HPCAL1: variants seen among roughly 807,000 people sequenced by gnomAD.
HPCAL1 encodes the protein hippocalcin like 1, also known as hippocalcin-like protein 1.
In HPCAL1, 8 loss-of-function variants were observed where a neutral mutation model predicts 17.1. That is an observed-to-expected ratio of 0.47 (90% confidence interval 0.27 to 0.84). The LOEUF (loss-of-function observed/expected upper bound fraction) is 0.84, where lower values mean the gene tolerates loss of function less well. Ranked by LOEUF, HPCAL1 falls within the 40% of genes least tolerant of loss-of-function variation. The pLI is 0.13. For missense variants in HPCAL1, 165 were observed against 271.1 expected (o/e 0.61, Z 2.75); for synonymous variants, 112 against 111.4 (o/e 1.01, Z -0.03).
intron 1 of HPCAL1, among the ~76,000 whole-genome samples, chr2:10,396,501 A>G (rs1431030916): frequency 6.6e-6 from 1 of 152,134 alleles, no homozygotes; most frequent in Non-Finnish European, 1.5e-5. Flanking sequence ...TTTGAACCTG[A>G]GTTTGTGGAC....
intron 1 of HPCAL1, among the ~76,000 whole-genome samples, chr2:10,334,574 T>C (rs902319277): frequency 1.3e-5 from 2 of 152,240 alleles, no homozygotes; most frequent in Non-Finnish European, 2.9e-5. Flanking sequence ...TATATCACTT[T>C]GTAATTTGTT....
At chr2:10,405,489 C>T (rs185404869) in intron 2 of HPCAL1, among the ~76,000 whole-genome samples, 11 of 152,360 alleles carry the variant, frequency 7.2e-5, no homozygotes, top group South Asian at 4.1e-4. Flanking sequence ...GCCCCGTAGT[C>T]TCAGTTTTGC....
chr2:10,396,720 G>A (rs778671008), intron 1 of HPCAL1, 115 bp from the exon 2 acceptor site: 1 of 152,262 alleles, frequency 6.6e-6, no homozygotes, highest in African/African-American at 2.4e-5. Flanking sequence ...ATGTAGCATG[G>A]CACTTGCAAA....
intron 1 of HPCAL1, among the ~76,000 whole-genome samples, chr2:10,392,390 T>G (rs577480541): frequency 1.3e-5 from 2 of 152,350 alleles, no homozygotes; most frequent in Admixed American, 1.3e-4. Context: ...TGAAGCTATT[T>G]GGCCAGGGCT....
At chr2:10,404,351 C>A (rs570316159) in intron 2 of HPCAL1, among the ~76,000 whole-genome samples, 1 of 152,230 alleles carries the variant, frequency 6.6e-6, no homozygotes, top group Admixed American at 6.5e-5. Context: ...ATGCCCCTCA[C>A]CCCGTCTTTG....
At chr2:10,352,203 T>C (rs1013922827) in intron 1 of HPCAL1, among the ~76,000 whole-genome samples, 1 of 152,138 alleles carries the variant, frequency 6.6e-6, no homozygotes, top group Non-Finnish European at 1.5e-5. Flanking sequence ...AATTTAAATA[T>C]GTGAATTGTA....
chr2:10,426,638 C>T (rs1010503372), intron 4 of HPCAL1, 86 bp from the exon 5 acceptor site: 1 of 1,055,996 alleles, frequency 9.5e-7, no homozygotes, highest in African/African-American at 1.6e-5. Flanking sequence ...AGGGAGCATA[C>T]CTGACCTGAG....
At chr2:10,397,662 C>T (rs1163950079) in intron 2 of HPCAL1, among the ~76,000 whole-genome samples, 4 of 152,200 alleles carry the variant, frequency 2.6e-5, no homozygotes. Flanking sequence ...GGAATCCTTC[C>T]TGGCCCTGCC....
At chr2:10,316,440 C>T (rs6709696) in intron 1 of HPCAL1, among the ~76,000 whole-genome samples, 11,299 of 152,176 alleles carry the variant, frequency 0.074, 529 homozygotes, top group Non-Finnish European at 0.1. Flanking sequence ...GTGACTCAGG[C>T]GGTTGATGTT....
chr2:10,315,027 C>T (rs4081662), intron 1 of HPCAL1, among the ~76,000 whole-genome samples: 117,514 of 151,508 alleles, frequency 0.78, 46,094 homozygotes, highest in East Asian at 0.99. Context: ...CGCGGTGGCT[C>T]ACGCCTGTAA....
chr2:10,349,025 G>A (rs1401843856), intron 1 of HPCAL1, among the ~76,000 whole-genome samples: 1 of 152,160 alleles, frequency 6.6e-6, no homozygotes, highest in Non-Finnish European at 1.5e-5. Context: ...GAGCCTGATG[G>A]TCTTATTGTT....
chr2:10,399,065 G>C (rs1669251715), intron 2 of HPCAL1, among the ~76,000 whole-genome samples: 1 of 151,856 alleles, frequency 6.6e-6, no homozygotes, highest in Admixed American at 6.6e-5. Context: ...TGGCCCGGCA[G>C]GTCGTGCTGA....
chr2:10,390,770 A>AC (rs1668637705), intron 1 of HPCAL1, among the ~76,000 whole-genome samples: 2 of 151,816 alleles, frequency 1.3e-5, no homozygotes, highest in African/African-American at 4.8e-5. Context: ...AATGCACCCC[A>AC]CCCCCCGGCC....
intron 1 of HPCAL1, among the ~76,000 whole-genome samples, chr2:10,392,243 G>T (rs373293034): frequency 2.0e-5 from 3 of 150,854 alleles, no homozygotes; most frequent in Admixed American, 6.6e-5. Flanking sequence ...GTCTCACTAT[G>T]TTGCCCAGGC....
intron 1 of HPCAL1, among the ~76,000 whole-genome samples, chr2:10,383,483 C>T (rs1389291936): frequency 6.6e-6 from 1 of 152,092 alleles, no homozygotes; most frequent in Admixed American, 6.5e-5. Context: ...TTGCCTCAGC[C>T]TGCCAAGTAG....
intron 1 of HPCAL1, among the ~76,000 whole-genome samples, chr2:10,379,054 GCGGTCGCTCCTAC>G (rs1308088715): frequency 1.3e-5 from 2 of 152,024 alleles, no homozygotes; most frequent in Non-Finnish European, 2.9e-5. Flanking sequence ...GCGGTCGGGT[GCGGTCGCTCCTAC>G]CTGTAATCCC....
chr2:10,309,222 C>T lies in HPCAL1; in HGVS notation c.-111+6045C>T, dbSNP rs142922460. 1.3e-3 allele frequency among the ~76,000 whole-genome samples: 195 copies of T among 152,068 alleles called. 2 individuals are homozygous for T. The highest frequency in any genetic ancestry group is 3.4e-3 in the African/African-American group (141 of 41,476). ...CTGATTTTTAAATTTTTTGTGGAGA[C>T]GAGGTCTTGCTATGTTGCCCAGACT... On this transcript the variant is annotated intron_variant, in intron 1 of 4. Transcript: ENST00000307845.
chr2:10,333,868 A>G (rs1329466828), intron 1 of HPCAL1, among the ~76,000 whole-genome samples: 2 of 152,200 alleles, frequency 1.3e-5, no homozygotes, highest in African/African-American at 2.4e-5. Flanking sequence ...AAGAACATCA[A>G]CCTGTAAAGG....
intron 1 of HPCAL1, among the ~76,000 whole-genome samples, chr2:10,340,826 TC>T: frequency 6.6e-6 from 1 of 152,164 alleles, no homozygotes; most frequent in East Asian, 1.9e-4. Flanking sequence ...CCTCCCCTGT[TC>T]CTGAATCCCT....
Sources: allele counts gnomAD v4.1 joint callset (sites outside exome capture counted in the v4.1 genomes callset), GRCh38; gene constraint gnomAD v4.1.1; transcripts MANE v1.5; gene names NCBI Gene and HGNC (gene_info 2026-07-23, HGNC 2026-07-21).